The following ARHGAP20 variants were observed in gnomAD, a reference collection of about 807,000 sequenced individuals.
ARHGAP20 encodes Rho GTPase activating protein 20, also known as rho GTPase-activating protein 20.
In ARHGAP20, 34 loss-of-function variants were observed where a neutral mutation model predicts 73.7. The observed-to-expected ratio is 0.46, with a 90% CI of 0.35 to 0.61. The LOEUF (loss-of-function observed/expected upper bound fraction) is 0.61. Among genes scored for constraint, ARHGAP20 ranks in the 20% least tolerant of loss-of-function variants. ARHGAP20 has a pLI of 0.00. For synonymous variants in ARHGAP20, 523 were observed against 518.2 expected (o/e 1.01, Z -0.13); for missense variants, 1,314 against 1,420.9 (o/e 0.92, Z 1.21).
rs1372196114 is a variant in ARHGAP20, at chr11:110,586,228, T to C, written c.1403A>G (p.Asn468Ser). 1 of 1,521,390 alleles carries C rather than the reference T, an allele frequency of 6.6e-7. No homozygotes were observed. Among genetic ancestry groups the C allele is most frequent in the Non-Finnish European group, 8.9e-7 (1 of 1,127,610 alleles). 94.2% of individuals were successfully genotyped at this position (1,521,390 alleles called of 1,614,324 possible). ...TTAGAATAATTACCTTTGAACAGTA[T>C]TTATTTTCTCTTCATCATTTCCTTG... ...MDQGNDEEKI[N>S]TVQRLLDQLP... is the part of the protein sequence containing the mutation. The change falls in exon 12 of 15, where the codon AAT becomes AGT. Residue 468 changes from asparagine (N) to serine (S), a missense_variant. By Grantham distance (46) the Asn-to-Ser change is conservative. Around this residue, in one of 3 missense-constraint regions of ARHGAP20, gnomAD observed 230 missense variants for 317.6 expected, o/e 0.72. Transcript: ENST00000683387.
Position 110,660,967 on chromosome 11 carries a change from A to G in ARHGAP20, c.188+29580T>C, listed in dbSNP as rs529775265. 3.3e-5 allele frequency among the ~76,000 whole-genome samples: 5 copies of G among 152,340 alleles called. No individual in the cohort carries two copies. The South Asian group carries it at 8.3e-4, about 25-fold the overall frequency. Reference sequence around the variant, plus strand: ...ATTCATAAAATAAAATGCCCAGTGAAAACTGACTGCAGAGTTCTATGCCAC... The same window carrying G: ...ATTCATAAAATAAAATGCCCAGTGAGAACTGACTGCAGAGTTCTATGCCAC... On this transcript the variant is annotated intron_variant, in intron 2 of 14. Coordinates refer to ENST00000683387, the MANE Select transcript of ARHGAP20 (RefSeq NM_001384657.1).
chr11:110,615,666 C>T, intron 4 of ARHGAP20, 72 bp from the exon 5 acceptor site: 1 of 1,367,552 alleles, frequency 7.3e-7, no homozygotes. Flanking sequence ...TTAGGATTGT[C>T]AATCCAGATG....
Position 110,579,710 on chromosome 11 carries a change from C to T in ARHGAP20, c.3236G>A (p.Gly1079Asp). 2 of 1,614,148 alleles carry T rather than the reference C, an allele frequency of 1.2e-6. No homozygotes were observed. Among genetic ancestry groups the T allele is most frequent in the Non-Finnish European group, 1.7e-6 (2 of 1,180,034 alleles). Reference protein sequence around the residue: ...GPLEPPPHASGVPEANSLQEE... With the variant: ...GPLEPPPHASDVPEANSLQEE... Reference sequence around the variant, plus strand: ...TTGCAGTGAGTTGGCTTCTGGAACACCAGAAGCATGTGGGGGTGGCTCTAA... The same window carrying T: ...TTGCAGTGAGTTGGCTTCTGGAACATCAGAAGCATGTGGGGGTGGCTCTAA... Residue 1079 changes from glycine to aspartate, a missense_variant, in exon 15 of 15, where the codon GGT becomes GAT. Around this residue, in one of 3 missense-constraint regions of ARHGAP20, gnomAD observed 641 missense variants for 636.9 expected, o/e 1.01. Transcript: ENST00000683387.
intron 5 of ARHGAP20, among the ~76,000 whole-genome samples, 173 bp from the exon 6 acceptor site, chr11:110,614,818 G>T (rs896555587): frequency 1.3e-5 from 2 of 152,148 alleles, no homozygotes; most frequent in Non-Finnish European, 2.9e-5. Flanking sequence ...GGTTGGAAGA[G>T]AATAAACAAA....
intron 14 of ARHGAP20, 41 bp from the exon 15 acceptor site, chr11:110,581,266 C>A: frequency 6.5e-7 from 1 of 1,536,874 alleles, no homozygotes; most frequent in Non-Finnish European, 8.8e-7. Flanking sequence ...ATTTACTTAC[C>A]ACAAATATAC....
intron 2 of ARHGAP20, among the ~76,000 whole-genome samples, chr11:110,664,739 AAAAAAAG>A (rs1455552626): frequency 6.7e-6 from 1 of 149,156 alleles, no homozygotes; most frequent in Non-Finnish European, 1.5e-5. Flanking sequence ...AAAAAAAAAA[AAAAAAAG>A]AAAAAAGAAA....
chr11:110,664,349 C>T (rs1039916735), intron 2 of ARHGAP20, among the ~76,000 whole-genome samples: 3 of 151,402 alleles, frequency 2.0e-5, no homozygotes, highest in South Asian at 2.1e-4. Flanking sequence ...GGATATAAGA[C>T]ATATATATAT....
At chr11:110,660,834 A>T (rs12269807) in intron 2 of ARHGAP20, among the ~76,000 whole-genome samples, 3,750 of 152,166 alleles carry the variant, frequency 0.025, 156 homozygotes, top group African/African-American at 0.087. Context: ...ACGAGAAAAA[A>T]ATTGGGGCTA....
chr11:110,620,647 G>A (rs1440894508), intron 4 of ARHGAP20, among the ~76,000 whole-genome samples: 1 of 151,930 alleles, frequency 6.6e-6, no homozygotes, highest in Non-Finnish European at 1.5e-5. Flanking sequence ...ATTTTTTTCG[G>A]TAGGACAGTT....
intron 2 of ARHGAP20, among the ~76,000 whole-genome samples, chr11:110,649,404 A>G (rs563490332): frequency 6.6e-6 from 1 of 152,150 alleles, no homozygotes; most frequent in East Asian, 1.9e-4. Context: ...GAAATCCTCT[A>G]AATCGATCAG....
Position 110,586,142 on chromosome 11 carries a change from T to C in ARHGAP20, c.1415+74A>G, listed in dbSNP as rs1430393366. 8 of 754,506 alleles carry C rather than the reference T, an allele frequency of 1.1e-5. No individual in the cohort carries two copies. The African/African-American group carries it at 1.5e-4, about 14-fold the overall frequency. 46.7% of individuals were successfully genotyped at this position (754,506 alleles called of 1,614,324 possible). On this transcript the variant is annotated intron_variant, in intron 12 of 14. Transcript: ENST00000683387. ...CACATGGATATGACTTTGATAGCTG[T>C]CATTATTTTAATAAATAATCTTATA...
At chr11:110,667,335 T>C (rs1395551755) in intron 2 of ARHGAP20, among the ~76,000 whole-genome samples, 2 of 152,232 alleles carry the variant, frequency 1.3e-5, no homozygotes, top group African/African-American at 4.8e-5. Context: ...AATTACTTTC[T>C]GCTAAATCTA....
chr11:110,690,313 A>G (rs1950216647), intron 2 of ARHGAP20, among the ~76,000 whole-genome samples: 1 of 152,210 alleles, frequency 6.6e-6, no homozygotes, highest in South Asian at 2.1e-4. Context: ...GCAAGTTTAT[A>G]TACTTTTGAG....
At chr11:110,619,880 G>C (rs1320088112) in intron 4 of ARHGAP20, among the ~76,000 whole-genome samples, 2 of 152,128 alleles carry the variant, frequency 1.3e-5, no homozygotes, top group Admixed American at 6.6e-5. Context: ...GCTTTTTTGA[G>C]ATGTGACTAC....
chr11:110,659,637 T>A (rs903925521), intron 2 of ARHGAP20, among the ~76,000 whole-genome samples: 9 of 152,060 alleles, frequency 5.9e-5, no homozygotes, highest in Non-Finnish European at 1.3e-4. Flanking sequence ...TCCTTGCCCA[T>A]GCCTATGTCC....
At chr11:110,602,696 G>A (rs1948138769) in intron 9 of ARHGAP20, among the ~76,000 whole-genome samples, 1 of 152,138 alleles carries the variant, frequency 6.6e-6, no homozygotes. Context: ...ATAGATAATT[G>A]AATAGTTGAG....
intron 2 of ARHGAP20, among the ~76,000 whole-genome samples, chr11:110,642,777 T>C (rs1037431780): frequency 2.0e-5 from 3 of 152,100 alleles, no homozygotes; most frequent in Non-Finnish European, 4.4e-5. Flanking sequence ...CAAATTTTGA[T>C]ATCAAGATAA....
intron 1 of ARHGAP20, among the ~76,000 whole-genome samples, chr11:110,696,045 A>G (rs1199413617): frequency 6.6e-6 from 1 of 151,520 alleles, no homozygotes; most frequent in Non-Finnish European, 1.5e-5. Context: ...AAAACATTAA[A>G]CTAATTGAAA....
chr11:110,648,262 TA>T, intron 2 of ARHGAP20, among the ~76,000 whole-genome samples: 1 of 136,990 alleles, frequency 7.3e-6, no homozygotes, highest in African/African-American at 2.8e-5. Context: ...TAAATATATA[TA>T]TGTAAATATA....
Sources: gnomAD v4.1 joint callset for allele counts (sites outside exome capture counted in the v4.1 genomes callset) on GRCh38, gnomAD v4.1.1 for gene constraint, gnomAD v4.1.1 regional missense constraint, MANE v1.5 for transcripts, NCBI Gene and HGNC (gene_info 2026-07-23, HGNC 2026-07-21) for gene names.